Variants in ACKR2 observed in about 807,000 individuals in gnomAD.
ACKR2 encodes the protein atypical chemokine receptor 2, also known as C-C chemokine receptor D6.
For missense variants in ACKR2, 457 were observed against 477.3 expected (o/e 0.96, Z 0.40); for synonymous variants, 207 against 192.2 (o/e 1.08, Z -0.64).
intron 1 of ACKR2, among the ~76,000 whole-genome samples, chr3:42,816,927 T>G (rs62246640): frequency 1.3e-5 from 2 of 152,090 alleles, no homozygotes; most frequent in African/African-American, 4.8e-5. Context: ...AAAAAAAATT[T>G]GGTAGAGTGG....
intron 2 of ACKR2, among the ~76,000 whole-genome samples, chr3:42,860,324 C>G (rs1471101899): frequency 6.6e-6 from 1 of 151,970 alleles, no homozygotes; most frequent in African/African-American, 2.4e-5. Context: ...TATATATGCA[C>G]CCAAAACAGG....
chr3:42,864,653 G>A lies in ACKR2; in HGVS notation c.151G>A (p.Val51Ile), dbSNP rs574627315. 3 of 1,614,192 alleles carry A rather than the reference G, an allele frequency of 1.9e-6. No individual in the cohort carries two copies. Among genetic ancestry groups the A allele is most frequent in the South Asian group, 2.2e-5 (2 of 91,080 alleles). Residue 51 changes from valine (V) to isoleucine (I), a missense_variant, in exon 3 of 3, where the codon GTC (valine) becomes ATC (isoleucine). Val to Ile is a conservative substitution (Grantham distance 29). Transcript: ENST00000422265. ...VVSFGKVFLP[V>I]FYSLIFVLGL... The stretch of plus-strand genomic sequence containing the variant: ...GTCCTTTGGCAAAGTCTTCCTCCCA[G>A]TCTTCTATAGCCTGATTTTTGTGTT...
chr3:42,846,407 A>C (rs1033085730), intron 2 of ACKR2, among the ~76,000 whole-genome samples: 1 of 152,246 alleles, frequency 6.6e-6, no homozygotes, highest in African/African-American at 2.4e-5. Flanking sequence ...CTGACAGCTC[A>C]TCCTGTCCAT....
intron 2 of ACKR2, among the ~76,000 whole-genome samples, chr3:42,822,392 C>T (rs894719823): frequency 1.3e-5 from 2 of 152,164 alleles, no homozygotes; most frequent in South Asian, 4.1e-4. Context: ...AGAATCTCTT[C>T]CCAGTCTCTA....
At position 42,865,615 on chromosome 3, in the gene ACKR2, G is replaced by C; in HGVS notation, c.1113G>C (p.Glu371Asp). 6.2e-7 allele frequency: 1 copy of C among 1,613,874 alleles called. No homozygotes were observed. Among genetic ancestry groups the C allele is most frequent in the Middle Eastern group, 1.7e-4 (1 of 6,060 alleles). The change falls in exon 3 of 3, where the codon GAG becomes GAC. Residue 371 changes from glutamate to aspartate, a missense_variant. Transcript: ENST00000422265. Reference sequence around the variant, plus strand: ...ATGACCTTGGAGAGAGGCAGTCTGAGAACTACCCTAACAAGGAGGATGTGG... The same window carrying C: ...ATGACCTTGGAGAGAGGCAGTCTGACAACTACCCTAACAAGGAGGATGTGG... ...GMNDLGERQS[E>D]NYPNKEDVGN...
intron 2 of ACKR2, among the ~76,000 whole-genome samples, chr3:42,829,894 C>T (rs1045693390): frequency 6.6e-6 from 1 of 152,196 alleles, no homozygotes; most frequent in African/African-American, 2.4e-5. Context: ...AGTTTAGGGG[C>T]AGCAGGTCAT....
intron 2 of ACKR2, among the ~76,000 whole-genome samples, chr3:42,833,734 A>G (rs1304131202): frequency 6.6e-6 from 1 of 152,078 alleles, no homozygotes; most frequent in Non-Finnish European, 1.5e-5. Context: ...ACAAAACCAG[A>G]CTTCTGTGGC....
chr3:42,815,460 A>T lies in ACKR2; in HGVS notation c.-118-4171A>T, dbSNP rs563890633. 1.3e-4 allele frequency among the ~76,000 whole-genome samples: 20 copies of T among 152,370 alleles called. No homozygotes were observed. In the South Asian group the frequency reaches 3.3e-3, roughly 25 times the overall value. ...AGAAAATTGCCCTAACAGGCTATTC[A>T]TAATGTGTTCCAATTTAGTACCCTT... On this transcript the variant is annotated intron_variant, in intron 1 of 2. Transcript: ENST00000422265.
intron 2 of ACKR2, among the ~76,000 whole-genome samples, chr3:42,847,999 G>A (rs1419975253): frequency 6.6e-6 from 1 of 152,008 alleles, no homozygotes; most frequent in Non-Finnish European, 1.5e-5. Context: ...GCTATGGCTG[G>A]GGGGTGACAC....
At chr3:42,854,899 C>T (rs1176590849) in intron 2 of ACKR2, among the ~76,000 whole-genome samples, 1 of 150,816 alleles carries the variant, frequency 6.6e-6, no homozygotes, top group African/African-American at 2.4e-5. Context: ...TCTTGTTGCC[C>T]AGGCTGTAGT....
intron 2 of ACKR2, among the ~76,000 whole-genome samples, chr3:42,833,694 T>G (rs1700955421): frequency 7.1e-6 from 1 of 141,368 alleles, no homozygotes; most frequent in African/African-American, 2.5e-5. Context: ...AATGACGATT[T>G]GAGAGATCAT....
intron 2 of ACKR2, chr3:42,856,498 C>G (rs761517896): frequency 8.5e-5 from 59 of 690,084 alleles, no homozygotes; most frequent in Non-Finnish European, 1.5e-4. Flanking sequence ...AAACTTTTAT[C>G]AGAAAGGGCT....
chr3:42,814,780 A>G (rs1700732425), intron 1 of ACKR2, among the ~76,000 whole-genome samples: 4 of 152,234 alleles, frequency 2.6e-5, no homozygotes, highest in Admixed American at 1.3e-4. Context: ...AGGAACAAGT[A>G]TATAGAAATA....
intron 2 of ACKR2, among the ~76,000 whole-genome samples, chr3:42,836,788 T>C (rs533599816): frequency 1.3e-5 from 2 of 152,262 alleles, no homozygotes; most frequent in East Asian, 1.9e-4. Flanking sequence ...CCTAGGACTG[T>C]GTGGAGATGC....
Position 42,864,644 on chromosome 3 carries a change from T to C in ACKR2, c.142T>C (p.Phe48Leu), listed in dbSNP as rs1308147968. The C allele has an allele frequency of 1.9e-6, 3 of 1,614,100 alleles. No individual in the cohort carries two copies. Among genetic ancestry groups the C allele is most frequent in the Non-Finnish European group, 2.5e-6 (3 of 1,180,052 alleles). The change falls in exon 3 of 3, where the codon TTC (phenylalanine) becomes CTC (leucine). Residue 48 changes from phenylalanine (F) to leucine (L), a missense_variant. By Grantham distance (22) the Phe-to-Leu change is conservative (BLOSUM62 0). Coordinates refer to ENST00000422265, the MANE Select transcript of ACKR2 (RefSeq NM_001296.5). Reference protein sequence around the residue: ...KDAVVSFGKVFLPVFYSLIFV... With the variant: ...KDAVVSFGKVLLPVFYSLIFV... ...TGCAGTGGTGTCCTTTGGCAAAGTC[T>C]TCCTCCCAGTCTTCTATAGCCTGAT...
chr3:42,842,410 C>G (rs1219738323), intron 2 of ACKR2, among the ~76,000 whole-genome samples: 2 of 152,024 alleles, frequency 1.3e-5, no homozygotes, highest in East Asian at 3.9e-4. Flanking sequence ...TACAATAATA[C>G]ATAGTATAGG....
chr3:42,842,452 T>C (rs1701048712), intron 2 of ACKR2, among the ~76,000 whole-genome samples: 1 of 152,084 alleles, frequency 6.6e-6, no homozygotes, highest in Non-Finnish European at 1.5e-5. Flanking sequence ...AATATGAAGG[T>C]GACAGCAATG....
chr3:42,851,066 G>T (rs1701152583), intron 2 of ACKR2: 1 of 152,248 alleles, frequency 6.6e-6, no homozygotes, highest in Non-Finnish European at 1.5e-5. Context: ...GTAGACACAG[G>T]GTAAACAAAG....
chr3:42,858,837 TG>T (rs1373603831), intron 2 of ACKR2, among the ~76,000 whole-genome samples: 3 of 151,864 alleles, frequency 2.0e-5, no homozygotes, highest in Non-Finnish European at 4.4e-5. Context: ...ATAAATGACC[TG>T]ATGGAGCTGA....
Sources: gnomAD v4.1 joint callset for allele counts (sites outside exome capture counted in the v4.1 genomes callset) on GRCh38, gnomAD v4.1.1 for gene constraint, MANE v1.5 for transcripts, NCBI Gene and HGNC (gene_info 2026-07-23, HGNC 2026-07-21) for gene names.